Variants in SDCCAG8 observed in about 807,000 individuals in gnomAD.
The protein encoded by SDCCAG8 is serologically defined colon cancer antigen 8.
In SDCCAG8, 74 loss-of-function variants were observed where a neutral mutation model predicts 101.8. That is an observed-to-expected ratio of 0.73 (90% confidence interval 0.60 to 0.88). The LOEUF is 0.88. Among genes scored for constraint, SDCCAG8 ranks in the 40% least tolerant of loss-of-function variants. The pLI is 0.00. For synonymous variants in SDCCAG8, 281 were observed against 292.9 expected, an observed-to-expected ratio of 0.96 and a Z score of 0.41; for missense variants, 787 against 822.6, an observed-to-expected ratio of 0.96 and a Z score of 0.53.
chr1:243,358,429 T>G (rs2076513837), intron 12 of SDCCAG8, among the ~76,000 whole-genome samples: 1 of 152,118 alleles, frequency 6.6e-6, no homozygotes. Context: ...ACATCTACTT[T>G]GGATAAGTGT....
chr1:243,425,387 C>T (rs1449566813), intron 15 of SDCCAG8, among the ~76,000 whole-genome samples: 1 of 152,050 alleles, frequency 6.6e-6, no homozygotes, highest in Non-Finnish European at 1.5e-5. Context: ...AGAGTTTTTG[C>T]TCCATACACG....
intron 5 of SDCCAG8, among the ~76,000 whole-genome samples, chr1:243,287,258 A>G (rs965189141): frequency 6.6e-6 from 1 of 152,210 alleles, no homozygotes. Flanking sequence ...GACAAATTCA[A>G]CTTTCCATGT....
intron 11 of SDCCAG8, among the ~76,000 whole-genome samples, chr1:243,343,725 A>G (rs2075522064): frequency 6.6e-6 from 1 of 152,232 alleles, no homozygotes; most frequent in Non-Finnish European, 1.5e-5. Flanking sequence ...AGACCTAGAT[A>G]TCAATAGTAT....
At chr1:243,439,601 G>A (rs2082387960) in intron 16 of SDCCAG8, among the ~76,000 whole-genome samples, 1 of 140,484 alleles carries the variant, frequency 7.1e-6, no homozygotes, top group African/African-American at 2.7e-5. Flanking sequence ...CCCCAGCCTG[G>A]GCAACAAGAG....
At chr1:243,344,136 G>T in intron 11 of SDCCAG8, 79 bp from the exon 12 acceptor site, 1 of 1,108,740 alleles carries the variant, frequency 9.0e-7, no homozygotes, top group East Asian at 2.4e-5. Context: ...TGACCTCTAG[G>T]GGGCACCAAA....
intron 12 of SDCCAG8, among the ~76,000 whole-genome samples, chr1:243,375,598 G>T (rs1473082475): frequency 1.3e-5 from 2 of 152,072 alleles, no homozygotes; most frequent in Non-Finnish European, 2.9e-5. Context: ...CTTTTGATAA[G>T]GTGTAAAGCT....
At chr1:243,333,356 G>A (rs574193374) in intron 10 of SDCCAG8, among the ~76,000 whole-genome samples, 44 of 152,256 alleles carry the variant, frequency 2.9e-4, no homozygotes, top group African/African-American at 9.6e-4. Flanking sequence ...TTTTTGGCAC[G>A]CAAGAAGTTC....
intron 13 of SDCCAG8, among the ~76,000 whole-genome samples, chr1:243,404,799 A>C (rs2079645556): frequency 6.6e-6 from 1 of 152,152 alleles, no homozygotes; most frequent in African/African-American, 2.4e-5. Flanking sequence ...CCATCTCAGC[A>C]ATAATGAAAA....
At chr1:243,293,325 C>A (rs1159427353) in intron 6 of SDCCAG8, 106 bp downstream of exon 6, 5 of 1,186,092 alleles carry the variant, frequency 4.2e-6, no homozygotes, top group Non-Finnish European at 6.1e-6. Context: ...ACCATTATAA[C>A]CATTTTTAAG....
rs377564132 is a variant in SDCCAG8, at chr1:243,336,279, T to C, written c.1222-4760T>C. 1.2e-4 allele frequency among the ~76,000 whole-genome samples: 18 copies of C among 152,342 alleles called. 1 individual carries two copies. The East Asian group carries it at 2.5e-3, about 21-fold the overall frequency. On this transcript the variant is annotated intron_variant, in intron 10 of 17. Transcript: ENST00000366541. ...GAGCAGAAGTGTCCTTTTCTCTGCA[T>C]GGTCTGTTGTTTTTTGAGTTTTGAA...
At chr1:243,349,014 A>AC (rs1287646120) in intron 12 of SDCCAG8, among the ~76,000 whole-genome samples, 88 of 151,938 alleles carry the variant, frequency 5.8e-4, no homozygotes, top group Non-Finnish European at 1.1e-3. Context: ...ACAAAACAAA[A>AC]AAAAAAAAAC....
intron 1 of SDCCAG8, among the ~76,000 whole-genome samples, chr1:243,263,887 T>C (rs2067380023): frequency 6.6e-6 from 1 of 152,246 alleles, no homozygotes; most frequent in African/African-American, 2.4e-5. Context: ...TGTTACCTGT[T>C]GGTCCCCTAG....
intron 6 of SDCCAG8, among the ~76,000 whole-genome samples, chr1:243,302,014 G>A (rs1429193211): frequency 1.3e-5 from 2 of 152,144 alleles, no homozygotes; most frequent in African/African-American, 4.8e-5. Context: ...TTGGGAGGCT[G>A]AGGTGGGCGG....
chr1:243,394,341 G>A (rs2078906981), intron 13 of SDCCAG8, among the ~76,000 whole-genome samples: 1 of 152,164 alleles, frequency 6.6e-6, no homozygotes, highest in Non-Finnish European at 1.5e-5. Flanking sequence ...GTAAATGATT[G>A]TGGCAGATTT....
At chr1:243,335,307 T>G (rs1322792172) in intron 10 of SDCCAG8, among the ~76,000 whole-genome samples, 1 of 152,032 alleles carries the variant, frequency 6.6e-6, no homozygotes, top group African/African-American at 2.4e-5. Context: ...CCAATATGAA[T>G]AAGACATGGA....
intron 16 of SDCCAG8, among the ~76,000 whole-genome samples, chr1:243,480,756 A>G: frequency 2.9e-5 from 2 of 68,380 alleles, no homozygotes; most frequent in African/African-American, 6.3e-5. Flanking sequence ...TGGATGGGGG[A>G]TGGATGGATG....
At chr1:243,340,652 T>A (rs2075332590) in intron 10 of SDCCAG8, among the ~76,000 whole-genome samples, 2 of 152,206 alleles carry the variant, frequency 1.3e-5, no homozygotes, top group Non-Finnish European at 2.9e-5. Flanking sequence ...CCATCAGTCC[T>A]TTTATACCTT....
At chr1:243,407,677 T>G (rs1383866049) in intron 13 of SDCCAG8, among the ~76,000 whole-genome samples, 2 of 152,206 alleles carry the variant, frequency 1.3e-5, no homozygotes, top group Non-Finnish European at 2.9e-5. Flanking sequence ...TTCCTTTCTT[T>G]TGTGTATATT....
At chr1:243,442,845 C>T (rs2082636741) in intron 16 of SDCCAG8, among the ~76,000 whole-genome samples, 1 of 152,158 alleles carries the variant, frequency 6.6e-6, no homozygotes, top group Non-Finnish European at 1.5e-5. Context: ...GGCTGTGTAC[C>T]TCCAGCTAGA....
Sources: gnomAD v4.1 joint callset for allele counts (sites outside exome capture counted in the v4.1 genomes callset) on GRCh38, gnomAD v4.1.1 for gene constraint, MANE v1.5 for transcripts, NCBI Gene and HGNC (gene_info 2026-07-23, HGNC 2026-07-21) for gene names.